The following PARD3B variants were observed in gnomAD, a reference collection of about 807,000 sequenced individuals.
The protein encoded by PARD3B is partitioning defective 3 homolog B.
In PARD3B, 103 loss-of-function variants were observed where a neutral mutation model predicts 130.2. That is an observed-to-expected ratio of 0.79 (90% CI 0.67 to 0.93). The LOEUF (loss-of-function observed/expected upper bound fraction) is 0.93, where lower values mean the gene tolerates loss of function less well. PARD3B is among the 40% of genes least tolerant of loss of function. PARD3B has a pLI of 0.00. For synonymous variants in PARD3B, 583 were observed against 553.2 expected, an observed-to-expected ratio of 1.05 and a Z score of -0.76; for missense variants, 1,609 against 1,499.2, an observed-to-expected ratio of 1.07 and a Z score of -1.21.
chr2:204,874,773 C>G (rs528577486), intron 2 of PARD3B, among the ~76,000 whole-genome samples: 1 of 152,226 alleles, frequency 6.6e-6, no homozygotes, highest in African/African-American at 2.4e-5. Context: ...AAACACTGCT[C>G]TGATTTCTAT....
chr2:204,890,071 C>T lies in PARD3B; in HGVS notation c.223-75081C>T, dbSNP rs557348981. ...TTTGGCATATGTTCTCTGGGACTAT[C>T]GGTTTTATTGCAACTGGATGCAGAA... is the stretch of plus-strand genomic sequence containing the variant. On this transcript the variant is annotated intron_variant, in intron 2 of 22. Transcript: ENST00000406610. The surrounding 1 kb of genome is among the most constrained non-coding windows in gnomAD (Gnocchi z 4.9). 1.6e-4 allele frequency among the ~76,000 whole-genome samples: 25 copies of T among 152,282 alleles called. No individual in the cohort carries two copies. The highest frequency in any genetic ancestry group is 2.5e-4 in the Non-Finnish European group (17 of 68,030).
intron 2 of PARD3B, among the ~76,000 whole-genome samples, chr2:204,813,554 C>T (rs1231625070): frequency 6.6e-6 from 1 of 151,918 alleles, no homozygotes; most frequent in Non-Finnish European, 1.5e-5. Flanking sequence ...CTTCATGGAC[C>T]ATGCTTTTAG....
chr2:204,793,810 A>G (rs1018650645), intron 2 of PARD3B, among the ~76,000 whole-genome samples: 11 of 152,054 alleles, frequency 7.2e-5, no homozygotes, highest in Admixed American at 1.3e-4. Flanking sequence ...CCCGGCCATC[A>G]TTGACCTTTT....
intron 10 of PARD3B, among the ~76,000 whole-genome samples, chr2:205,157,843 T>C (rs527844870): frequency 6.6e-6 from 1 of 152,302 alleles, no homozygotes; most frequent in South Asian, 2.1e-4. Context: ...AAGATGCTCA[T>C]GTGGACAGCA....
intron 2 of PARD3B, among the ~76,000 whole-genome samples, chr2:204,788,247 A>G (rs73982518): frequency 0.016 from 2,427 of 152,330 alleles, 46 homozygotes; most frequent in African/African-American, 0.054. Flanking sequence ...CTTTTCAAAG[A>G]AGATAGCCAC....
At chr2:205,181,596 T>G (rs1217130183) in intron 13 of PARD3B, among the ~76,000 whole-genome samples, 2 of 152,204 alleles carry the variant, frequency 1.3e-5, no homozygotes, top group African/African-American at 4.8e-5. Flanking sequence ...CAGTAAAACT[T>G]TATTTGCAAA....
intron 1 of PARD3B, among the ~76,000 whole-genome samples, chr2:204,567,947 T>C (rs1403566904): frequency 1.3e-5 from 2 of 152,218 alleles, no homozygotes; most frequent in African/African-American, 2.4e-5. Flanking sequence ...CATCTTTAAA[T>C]ATAAAAAGTT....
At chr2:205,510,467 C>CT (rs1374994716) in intron 21 of PARD3B, among the ~76,000 whole-genome samples, 1 of 152,220 alleles carries the variant, frequency 6.6e-6, no homozygotes, top group African/African-American at 2.4e-5. Flanking sequence ...CCCAGGGTCA[C>CT]TTCAGGTGGT....
chr2:205,399,424 G>A (rs1252209699), intron 18 of PARD3B, among the ~76,000 whole-genome samples: 5 of 151,358 alleles, frequency 3.3e-5, no homozygotes, highest in African/African-American at 1.2e-4. Context: ...GTGCCATCTC[G>A]GCTCACTGCA....
At chr2:205,013,209 C>T (rs1209632659) in intron 3 of PARD3B, among the ~76,000 whole-genome samples, 2 of 152,152 alleles carry the variant, frequency 1.3e-5, no homozygotes, top group African/African-American at 4.8e-5. Flanking sequence ...AGAGCCATGG[C>T]CCCTGGGCTG....
intron 21 of PARD3B, among the ~76,000 whole-genome samples, chr2:205,552,483 A>G (rs1243850338): frequency 6.6e-6 from 1 of 152,176 alleles, no homozygotes; most frequent in Non-Finnish European, 1.5e-5. Context: ...ATGTGGGCTC[A>G]CTGCAACCTC....
In PARD3B at chr2:205,158,612, A is replaced by C. The variant is rs2034322925; in HGVS notation, c.1435-110A>C. On this transcript the variant is annotated intron_variant, in intron 10 of 22. Coordinates refer to ENST00000406610, the MANE Select transcript of PARD3B (RefSeq NM_001302769.2). This position sits in a 1 kb window ranked among gnomAD's most constrained non-coding sequence, Gnocchi z 5.4. ...GCCAGGAGCCGATTACAGCTGTGAG[A>C]GGTCCAGTCATCCTGTCCTACTGAT... 9.0e-7 allele frequency: 1 copy of C among 1,107,954 alleles called. No homozygotes were observed. The highest frequency in any genetic ancestry group is 1.6e-5 in the African/African-American group (1 of 63,618). The allele number at this position is 1,107,954 out of a possible 1,614,324, so 68.6% of individuals were successfully genotyped here.
intron 1 of PARD3B, among the ~76,000 whole-genome samples, chr2:204,593,701 C>A (rs2033167417): frequency 6.6e-6 from 1 of 152,148 alleles, no homozygotes; most frequent in Non-Finnish European, 1.5e-5. Flanking sequence ...ACTCAGGAGT[C>A]AGAAGTATCA....
intron 18 of PARD3B, among the ~76,000 whole-genome samples, chr2:205,388,988 G>A (rs2045757660): frequency 6.6e-6 from 1 of 152,164 alleles, no homozygotes; most frequent in African/African-American, 2.4e-5. Context: ...AGGAAAGAGG[G>A]GGTGGTTCTA....
intron 18 of PARD3B, among the ~76,000 whole-genome samples, chr2:205,340,592 T>A (rs528314521): frequency 6.6e-6 from 1 of 152,166 alleles, no homozygotes; most frequent in South Asian, 2.1e-4. Context: ...TATACAAAAA[T>A]TAACTCAAAA....
chr2:205,054,434 ATATT>A (rs1317378616), intron 4 of PARD3B, among the ~76,000 whole-genome samples: 6 of 29,486 alleles, frequency 2.0e-4, no homozygotes, highest in East Asian at 1.4e-3. Context: ...ATATATATAT[ATATT>A]TTTTTTTTTT....
At chr2:205,058,315 C>A (rs1241431728) in intron 4 of PARD3B, among the ~76,000 whole-genome samples, 5 of 151,844 alleles carry the variant, frequency 3.3e-5, no homozygotes, top group African/African-American at 4.8e-5. Flanking sequence ...TACAAATATA[C>A]CACATTTTGC....
intron 3 of PARD3B, among the ~76,000 whole-genome samples, chr2:204,966,188 A>G (rs544154354): frequency 6.6e-6 from 1 of 152,210 alleles, no homozygotes; most frequent in Non-Finnish European, 1.5e-5. Flanking sequence ...TCATTTTCCC[A>G]TTTGAAATAA....
chr2:205,086,769 C>A (rs1410057227), intron 4 of PARD3B, among the ~76,000 whole-genome samples: 1 of 152,142 alleles, frequency 6.6e-6, no homozygotes, highest in African/African-American at 2.4e-5. Context: ...CCTGCTCCAC[C>A]ACCTCTGTCA....
Sources: gnomAD v4.1 joint callset for allele counts (sites outside exome capture counted in the v4.1 genomes callset) on GRCh38, gnomAD v4.1.1 for gene constraint, Gnocchi (gnomAD v3.1) non-coding constraint, MANE v1.5 for transcripts, NCBI Gene and HGNC (gene_info 2026-07-23, HGNC 2026-07-21) for gene names.